The following STAG3 variants were observed in gnomAD, a reference collection of about 807,000 sequenced individuals.
STAG3 encodes cohesin subunit SA-3.
Under a neutral mutation model 160.7 loss-of-function variants are expected in STAG3, and 101 were observed. The observed-to-expected ratio is 0.63, with a 90% CI of 0.54 to 0.74. The LOEUF is 0.74. Among genes scored for constraint, STAG3 ranks in the 30% least tolerant of loss-of-function variants. The pLI, the probability that STAG3 is intolerant of heterozygous loss-of-function variation, is 0.00. For missense variants in STAG3, 1,188 were observed against 1,517.4 expected, an observed-to-expected ratio of 0.78 and a Z score of 3.61; for synonymous variants, 519 against 585.0, an observed-to-expected ratio of 0.89 and a Z score of 1.63.
chr7:100,182,900 G>C, intron 4 of STAG3, 61 bp downstream of exon 4: 1 of 1,587,882 alleles, frequency 6.3e-7, no homozygotes, highest in South Asian at 1.1e-5. Flanking sequence ...GTAAGGACAA[G>C]TGTCTACAAA....
At chr7:100,217,677 C>G (rs546731258), downstream of STAG3, among the ~76,000 whole-genome samples, 2 of 152,060 alleles carry the variant, frequency 1.3e-5, no homozygotes, top group Non-Finnish European at 2.9e-5. Context: ...TCATCTCTAT[C>G]GATAGATAAG....
At chr7:100,200,058 T>TA (rs1222600676) in intron 16 of STAG3, 178 bp from the exon 17 acceptor site, 4 of 517,724 alleles carry the variant, frequency 7.7e-6, no homozygotes, top group African/African-American at 7.1e-5. Flanking sequence ...AGAGCGAGAC[T>TA]CCGTCTCAAA....
intron 7 of STAG3, 103 bp from the exon 8 acceptor site, chr7:100,189,342 T>C (rs748674504): frequency 1.5e-6 from 2 of 1,311,820 alleles, no homozygotes; most frequent in Non-Finnish European, 2.1e-6. Context: ...TGCTCTGACG[T>C]CTCATTTTCA....
At chr7:100,218,532 T>G (rs1409568141), downstream of STAG3, 1 of 297,126 alleles carries the variant, frequency 3.4e-6, no homozygotes, top group Non-Finnish European at 6.5e-6. Context: ...CTTTTTTAAC[T>G]TGCACTGTGG....
intron 4 of STAG3, among the ~76,000 whole-genome samples, chr7:100,184,659 G>T (rs1799881394): frequency 6.6e-6 from 1 of 151,802 alleles, no homozygotes; most frequent in Non-Finnish European, 1.5e-5. Flanking sequence ...GCAGAGATGG[G>T]GTTTCACCGT....
chr7:100,212,216 AGT>A (rs761401287), intron 32 of STAG3: 97 of 201,814 alleles, frequency 4.8e-4, no homozygotes, highest in Non-Finnish European at 5.8e-4. Flanking sequence ...CAGCCCCTTC[AGT>A]GTCTCTCCCC....
intron 9 of STAG3, among the ~76,000 whole-genome samples, chr7:100,196,226 T>A (rs1225998908): frequency 2.0e-5 from 3 of 152,194 alleles, no homozygotes; most frequent in Non-Finnish European, 2.9e-5. Flanking sequence ...TGATGTAACC[T>A]TTTCTTAATG....
At chr7:100,197,320 T>C in intron 10 of STAG3, 41 bp downstream of exon 10, 1 of 1,601,940 alleles carries the variant, frequency 6.2e-7, no homozygotes, top group Non-Finnish European at 8.5e-7. Flanking sequence ...TCCTTCATCT[T>C]TTTCCTGTCC....
intron 19 of STAG3, 39 bp from the exon 20 acceptor site, chr7:100,201,051 C>T: frequency 6.2e-7 from 1 of 1,614,018 alleles, no homozygotes; most frequent in Non-Finnish European, 8.5e-7. Flanking sequence ...CTGATGAGTT[C>T]TGGGGGAAAT....
chr7:100,192,805 A>C (rs1346867148), intron 8 of STAG3, among the ~76,000 whole-genome samples: 2 of 152,148 alleles, frequency 1.3e-5, no homozygotes, highest in African/African-American at 2.4e-5. Flanking sequence ...TGCCCAGGCT[A>C]GTCTTGAACT....
At position 100,212,831 on chromosome 7, in the gene STAG3, C is replaced by T. The variant is rs915422877; in HGVS notation, c.3601-904C>T. 3.9e-5 allele frequency: 6 copies of T among 152,104 alleles called. No individual in the cohort carries two copies. In the East Asian group the frequency reaches 9.6e-4, roughly 24 times the overall value. 9.4% of individuals were successfully genotyped at this position (152,104 alleles called of 1,614,324 possible). On this transcript the variant is annotated intron_variant, in intron 32 of 33. Transcript: ENST00000615138. The stretch of plus-strand genomic sequence containing the variant: ...ACTCGGGAGGTGGAGACAGGAGGAT[C>T]AATAGTCCAGGAGTTGGAGTCCAGC...
At chr7:100,187,729 T>C (rs574628959) in intron 5 of STAG3, among the ~76,000 whole-genome samples, 3 of 150,730 alleles carry the variant, frequency 2.0e-5, no homozygotes, top group Admixed American at 6.6e-5. Context: ...CTCATGGCCC[T>C]ATGGCCCTGG....
intron 1 of STAG3, among the ~76,000 whole-genome samples, chr7:100,178,803 CTT>C (rs1158063473): frequency 6.6e-6 from 1 of 150,888 alleles, no homozygotes; most frequent in African/African-American, 2.4e-5. Flanking sequence ...TAGGTCCACT[CTT>C]TGCCTTATTT....
At chr7:100,204,526 C>G in intron 26 of STAG3, 101 bp from the exon 27 acceptor site, 2 of 1,451,240 alleles carry the variant, frequency 1.4e-6, no homozygotes, top group Non-Finnish European at 1.9e-6. Flanking sequence ...AGATGGTGTC[C>G]CAAGGCCTTT....
In STAG3 at chr7:100,180,659, C is replaced by T. The variant is rs778339416; in HGVS notation, c.103C>T (p.His35Tyr). 3 of 1,604,440 alleles carry T rather than the reference C, an allele frequency of 1.9e-6. No homozygotes were observed. The highest frequency in any genetic ancestry group is 8.5e-7 in the Non-Finnish European group (1 of 1,171,112). ...ACCCTTTGATGACAGGGACTCAAAC[C>T]ATACCTCAGAGGGGTAAGTAGATGT... is the stretch of plus-strand genomic sequence containing the variant. Reference protein sequence around the residue: ...SLPFDDRDSNHTSEGNGDSLL... With the variant: ...SLPFDDRDSNYTSEGNGDSLL... The change falls in exon 2 of 34, where the codon CAT becomes TAT. Residue 35 changes from histidine to tyrosine, a missense_variant. Around this residue, in one of 4 missense-constraint regions of STAG3, gnomAD observed 296 missense variants for 404.0 expected, o/e 0.73. Coordinates refer to ENST00000615138, the MANE Select transcript of STAG3 (RefSeq NM_001282717.2).
chr7:100,179,481 G>T (rs1379066455), intron 1 of STAG3, among the ~76,000 whole-genome samples: 1 of 151,774 alleles, frequency 6.6e-6, no homozygotes, highest in South Asian at 2.1e-4. Flanking sequence ...CGCCTCAGCC[G>T]CCTAAAGTTC....
At position 100,211,203 on chromosome 7, in the gene STAG3, AT is replaced by A; in HGVS notation, c.3413+19del. On this transcript the variant is annotated intron_variant, in intron 30 of 33. Coordinates refer to ENST00000615138, the MANE Select transcript of STAG3 (RefSeq NM_001282717.2). ...GCCCAGGGGTGAGGCCATGGAGGGAATCTGGGTGTCTGAGTTCCCAGTTTGG... is the reference window on the plus strand; with the variant it reads ...GCCCAGGGGTGAGGCCATGGAGGGAACTGGGTGTCTGAGTTCCCAGTTTGG... 1 of 1,543,586 alleles carries A rather than the reference AT, an allele frequency of 6.5e-7. No homozygotes were observed. The highest frequency in any genetic ancestry group is 2.3e-5 in the East Asian group (1 of 44,336).
At position 100,200,166 on chromosome 7, in the gene STAG3, A is replaced by AG. The variant is rs2117302181; in HGVS notation, c.1678-68dup. 7.2e-6 allele frequency: 8 copies of AG among 1,115,010 alleles called. No individual in the cohort carries two copies. The South Asian group carries it at 1.1e-4, about 15-fold the overall frequency. 69.1% of individuals were successfully genotyped at this position (1,115,010 alleles called of 1,614,324 possible). A position where few individuals can be genotyped will look rare whatever the true frequency, so the allele number is the denominator to read the frequency against. On this transcript the variant is annotated intron_variant, in intron 16 of 33. Transcript: ENST00000615138. Reference sequence around the variant, plus strand: ...CTAGGCAGATAAGGTCATGGGGAGGAGGACTGCACACACCCCCTGCACCAG... The same window carrying AG: ...CTAGGCAGATAAGGTCATGGGGAGGAGGGACTGCACACACCCCCTGCACCAG...
At chr7:100,191,302 C>A (rs1391035332) in intron 8 of STAG3, among the ~76,000 whole-genome samples, 1 of 152,142 alleles carries the variant, frequency 6.6e-6, no homozygotes, top group Non-Finnish European at 1.5e-5. Flanking sequence ...GATCTAATTC[C>A]TTTCTTCTCA....
Sources: gnomAD v4.1 joint callset for allele counts (sites outside exome capture counted in the v4.1 genomes callset) on GRCh38, gnomAD v4.1.1 for gene constraint, gnomAD v4.1.1 regional missense constraint, MANE v1.5 for transcripts, NCBI Gene and HGNC (gene_info 2026-07-23, HGNC 2026-07-21) for gene names.